RTL4: variants seen among roughly 807,000 people sequenced by gnomAD.
RTL4 encodes retrotransposon Gag like 4.
Under a neutral mutation model 5.3 loss-of-function variants are expected in RTL4, and 4 were observed. The ratio of observed to expected loss-of-function variants is 0.75; its 90% confidence interval spans 0.37 to 1.72. RTL4 has a LOEUF of 1.72. RTL4 is among the 40% of genes most tolerant of loss of function. RTL4 has a pLI of 0.04. For synonymous variants in RTL4, 98 were observed against 87.3 expected, an observed-to-expected ratio of 1.12 and a Z score of -0.68; for missense variants, 260 against 227.1, an observed-to-expected ratio of 1.14 and a Z score of -0.93.
the RTL4 span, among the ~76,000 whole-genome samples, chrX:112,370,610 C>G: frequency 2.7e-5 from 3 of 111,282 alleles, no homozygotes; most frequent in Non-Finnish European, 5.7e-5. Context: ...GGGGGAGGCA[C>G]CATTGTCCCT....
the RTL4 span, among the ~76,000 whole-genome samples, chrX:112,204,813 T>C: frequency 8.1e-5 from 9 of 111,548 alleles, 1 homozygote; most frequent in South Asian, 3.4e-3. Flanking sequence ...TAGAGTATAA[T>C]TGAGTTGTTT....
chrX:112,331,867 A>G, the RTL4 span, among the ~76,000 whole-genome samples: 4 of 94,913 alleles, frequency 4.2e-5, no homozygotes, highest in Non-Finnish European at 6.2e-5. Flanking sequence ...AGGGACATGG[A>G]TGAAATTGGA....
the RTL4 span, among the ~76,000 whole-genome samples, chrX:112,335,901 G>C: frequency 2.9e-4 from 32 of 109,678 alleles, no homozygotes; most frequent in Non-Finnish European, 5.1e-4. Context: ...GGAGTGCGGT[G>C]GTGCGATCTC....
the RTL4 span, among the ~76,000 whole-genome samples, chrX:112,275,107 C>T: frequency 9.0e-6 from 1 of 110,764 alleles, no homozygotes; most frequent in Non-Finnish European, 1.9e-5. Flanking sequence ...TTAACTGCCA[C>T]GTTATACTGC....
chrX:112,202,147 G>A, the RTL4 span, among the ~76,000 whole-genome samples: 19,847 of 110,364 alleles, frequency 0.18, 1,358 homozygotes, highest in Non-Finnish European at 0.2. Context: ...CACCCCTTCC[G>A]CAACCCCTGT....
At chrX:112,295,524 C>T in the RTL4 span, among the ~76,000 whole-genome samples, 2 of 112,716 alleles carry the variant, frequency 1.8e-5, no homozygotes, top group African/African-American at 6.4e-5. Context: ...TGCCTGCCAG[C>T]ACAAATCAGG....
At chrX:112,110,977 G>A in the RTL4 span, among the ~76,000 whole-genome samples, 3 of 112,087 alleles carry the variant, frequency 2.7e-5, no homozygotes, top group Non-Finnish European at 5.6e-5. Flanking sequence ...GCTATGGGTT[G>A]TCAGTGGCCT....
the RTL4 span, among the ~76,000 whole-genome samples, chrX:112,403,475 G>A: frequency 4.7e-3 from 524 of 111,837 alleles, 2 homozygotes; most frequent in African/African-American, 0.016. Flanking sequence ...ATGAGACTAA[G>A]GCCCTAACTG....
chrX:112,309,626 C>T, the RTL4 span, among the ~76,000 whole-genome samples: 4 of 107,830 alleles, frequency 3.7e-5, no homozygotes, highest in African/African-American at 1.4e-4. Flanking sequence ...GTAGCTGAAA[C>T]CACAGGCGCA....
chrX:112,318,213 C>A, the RTL4 span, among the ~76,000 whole-genome samples: 2 of 111,756 alleles, frequency 1.8e-5, no homozygotes, highest in Non-Finnish European at 3.8e-5. Context: ...ATCTCAGAAA[C>A]ATGGAACTTG....
chrX:112,124,899 T>C, the RTL4 span, among the ~76,000 whole-genome samples: 1 of 111,204 alleles, frequency 9.0e-6, no homozygotes, highest in African/African-American at 3.3e-5. Context: ...GAGTTCAGTT[T>C]TGTCTTGTTT....
chrX:112,365,731 T>C, the RTL4 span, among the ~76,000 whole-genome samples: 1 of 111,445 alleles, frequency 9.0e-6, no homozygotes, highest in Admixed American at 9.5e-5. Flanking sequence ...CCCGTGCTCT[T>C]TCTGTAATCC....
chrX:112,291,807 G>T, the RTL4 span, among the ~76,000 whole-genome samples: 3 of 110,595 alleles, frequency 2.7e-5, no homozygotes, highest in Non-Finnish European at 5.7e-5. Context: ...ATGTTAGCCA[G>T]GATGGTCTCG....
chrX:112,382,759 C>G, the RTL4 span, among the ~76,000 whole-genome samples: 2 of 111,638 alleles, frequency 1.8e-5, no homozygotes, highest in Non-Finnish European at 3.8e-5. Context: ...TTTTAGTTTT[C>G]TTATGAGTGA....
chrX:112,361,446 TA>T, the RTL4 span, among the ~76,000 whole-genome samples: 1 of 111,572 alleles, frequency 9.0e-6, no homozygotes, highest in African/African-American at 3.2e-5. Context: ...TTTTAATCTC[TA>T]AAAAGTCAAA....
chrX:112,213,167 C>T, the RTL4 span, among the ~76,000 whole-genome samples: 3 of 112,492 alleles, frequency 2.7e-5, no homozygotes, highest in African/African-American at 6.4e-5. Context: ...CAGCTACTTG[C>T]GGGAAAGAAA....
chrX:112,443,060 C>T, the RTL4 span, among the ~76,000 whole-genome samples: 7 of 111,820 alleles, frequency 6.3e-5, no homozygotes, highest in Non-Finnish European at 1.1e-4. Context: ...CTCACCTCCA[C>T]CAACAACACC....
the RTL4 span, among the ~76,000 whole-genome samples, chrX:112,435,217 A>G: frequency 9.0e-6 from 1 of 111,394 alleles, no homozygotes; most frequent in East Asian, 2.9e-4. Flanking sequence ...GTAAAGTCAC[A>G]CTAATATTAG....
chrX:112,379,652 T>TA, the RTL4 span, among the ~76,000 whole-genome samples: 1 of 112,117 alleles, frequency 8.9e-6, no homozygotes, highest in South Asian at 3.7e-4. Context: ...GCACATGTTT[T>TA]AAATGTGTGT....
Sources: allele counts gnomAD v4.1 joint callset (sites outside exome capture counted in the v4.1 genomes callset), GRCh38; gene constraint gnomAD v4.1.1; transcripts MANE v1.5; gene names NCBI Gene and HGNC (gene_info 2026-07-23, HGNC 2026-07-21).